PPP3R1: variants seen among roughly 807,000 people sequenced by gnomAD.
PPP3R1 encodes protein phosphatase 3 regulatory subunit B, alpha.
PPP3R1 carries 5 observed loss-of-function variants against 22.6 expected under a neutral mutation model. The observed-to-expected ratio is 0.22, with a 90% confidence interval of 0.12 to 0.46. PPP3R1 has a LOEUF of 0.46. PPP3R1 is among the 20% of genes least tolerant of loss of function. PPP3R1 has a pLI of 0.99. For synonymous variants in PPP3R1, 56 were observed against 65.2 expected, an observed-to-expected ratio of 0.86 and a Z score of 0.68; for missense variants, 61 against 203.2, an observed-to-expected ratio of 0.30 and a Z score of 4.25.
chr2:68,230,056 A>C (rs1669865386), intron 1 of PPP3R1, among the ~76,000 whole-genome samples: 1 of 151,616 alleles, frequency 6.6e-6, no homozygotes, highest in Admixed American at 6.6e-5. Context: ...GTAGCGGCAC[A>C]ATCTTGGCTC....
At chr2:68,202,190 A>G (rs957949505) in intron 2 of PPP3R1, among the ~76,000 whole-genome samples, 2 of 152,192 alleles carry the variant, frequency 1.3e-5, no homozygotes, top group African/African-American at 4.8e-5. Flanking sequence ...GAAAGATTCA[A>G]GAAGTTTTAT....
chr2:68,234,200 G>A (rs967515029), intron 1 of PPP3R1, among the ~76,000 whole-genome samples: 7 of 152,028 alleles, frequency 4.6e-5, no homozygotes, highest in African/African-American at 1.4e-4. Context: ...AAAATTAGTC[G>A]GGCATGGTGG....
At chr2:68,194,824 T>C (rs553925061) in intron 2 of PPP3R1, among the ~76,000 whole-genome samples, 3 of 152,248 alleles carry the variant, frequency 2.0e-5, no homozygotes, top group South Asian at 2.1e-4. Context: ...AATTGTATAG[T>C]AGAAAAAAGC....
intron 2 of PPP3R1, among the ~76,000 whole-genome samples, chr2:68,206,635 G>T (rs1324154071): frequency 6.6e-6 from 1 of 152,148 alleles, no homozygotes; most frequent in African/African-American, 2.4e-5. Context: ...CTTCCAGGAG[G>T]CTTTTCTTAA....
intron 1 of PPP3R1, among the ~76,000 whole-genome samples, chr2:68,244,332 G>C (rs993007658): frequency 6.6e-6 from 1 of 152,064 alleles, no homozygotes; most frequent in African/African-American, 2.4e-5. Flanking sequence ...TTATTACCTT[G>C]TTAACTGCCT....
intron 1 of PPP3R1, among the ~76,000 whole-genome samples, chr2:68,229,973 TACAC>T (rs201152385): frequency 0.013 from 1,867 of 143,232 alleles, 14 homozygotes; most frequent in African/African-American, 0.017. Flanking sequence ...TATACACACA[TACAC>T]ACACACACAC....
chr2:68,211,068 A>G (rs937166687), intron 2 of PPP3R1, among the ~76,000 whole-genome samples: 2 of 152,194 alleles, frequency 1.3e-5, no homozygotes, highest in African/African-American at 4.8e-5. Flanking sequence ...CAAAGTGTGC[A>G]ATAACATTAT....
At chr2:68,248,306 T>C (rs980946127) in intron 1 of PPP3R1, among the ~76,000 whole-genome samples, 1 of 152,232 alleles carries the variant, frequency 6.6e-6, no homozygotes, top group Admixed American at 6.5e-5. Flanking sequence ...TTCCCTGCCA[T>C]GTGCTCTTAC....
intron 2 of PPP3R1, among the ~76,000 whole-genome samples, chr2:68,205,460 T>A (rs1675099361): frequency 1.3e-5 from 2 of 152,020 alleles, no homozygotes; most frequent in Non-Finnish European, 2.9e-5. Context: ...GTCAGGCTGG[T>A]CTCGAACTCA....
At chr2:68,218,135 C>T (rs1368709973) in intron 1 of PPP3R1, among the ~76,000 whole-genome samples, 1 of 152,068 alleles carries the variant, frequency 6.6e-6, no homozygotes, top group Non-Finnish European at 1.5e-5. Context: ...ATTTATCTAA[C>T]CTTGACCCTG....
intron 2 of PPP3R1, among the ~76,000 whole-genome samples, chr2:68,199,383 T>C (rs2103742318): frequency 6.6e-6 from 1 of 152,352 alleles, no homozygotes; most frequent in Non-Finnish European, 1.5e-5. Context: ...ATTTGCTATA[T>C]ATATAAAACC....
chr2:68,252,004 CG>C, intron 1 of PPP3R1, 120 bp downstream of exon 1: 1 of 1,049,936 alleles, frequency 9.5e-7, no homozygotes. Flanking sequence ...CCGCCGGGCC[CG>C]GGTCTCTGGA....
chr2:68,251,277 T>C (rs1670344432), intron 1 of PPP3R1: 1 of 152,176 alleles, frequency 6.6e-6, no homozygotes, highest in Admixed American at 6.5e-5. Flanking sequence ...CAGCGAATTC[T>C]ACCTAGGGAT....
intron 2 of PPP3R1, among the ~76,000 whole-genome samples, chr2:68,195,329 T>C (rs1674746049): frequency 6.6e-6 from 1 of 152,132 alleles, no homozygotes; most frequent in African/African-American, 2.4e-5. Context: ...ATTTAGGCAT[T>C]TGGGGCAAGA....
At chr2:68,208,095 G>C (rs1030856222) in intron 2 of PPP3R1, among the ~76,000 whole-genome samples, 4 of 152,178 alleles carry the variant, frequency 2.6e-5, no homozygotes, top group African/African-American at 9.7e-5. Context: ...GGAGGTTGCA[G>C]TGAGCCGAGA....
At chr2:68,222,058 TG>T (rs1427174290) in intron 1 of PPP3R1, among the ~76,000 whole-genome samples, 2 of 151,832 alleles carry the variant, frequency 1.3e-5, no homozygotes, top group Admixed American at 6.6e-5. Flanking sequence ...ATATCAGAAA[TG>T]GTAAATAAAA....
At chr2:68,213,457 T>C (rs1376759632) in intron 2 of PPP3R1, among the ~76,000 whole-genome samples, 2 of 152,190 alleles carry the variant, frequency 1.3e-5, no homozygotes, top group African/African-American at 2.4e-5. Context: ...CACAGACAAC[T>C]GGACTAAGTT....
intron 2 of PPP3R1, among the ~76,000 whole-genome samples, chr2:68,213,746 G>T (rs1038389860): frequency 1.3e-5 from 2 of 152,084 alleles, no homozygotes; most frequent in African/African-American, 4.8e-5. Flanking sequence ...AGATACACCT[G>T]CATACTACCC....
In PPP3R1 at chr2:68,180,458, C is replaced by T. The variant is rs1674378367; in HGVS notation, c.*505G>A. The T allele has an allele frequency of 6.6e-6, 1 of 152,646 alleles. No individual in the cohort carries two copies. Among genetic ancestry groups the T allele is most frequent in the Non-Finnish European group, 1.5e-5 (1 of 68,038 alleles). The allele number at this position is 152,646 out of a possible 1,614,324, so 9.5% of individuals were successfully genotyped here. A position where few individuals can be genotyped will look rare whatever the true frequency, so the allele number is the denominator to read the frequency against. ...AGGAAAAGGAAAATAGCTGGCCTAA[C>T]ACCCGGCTCAAATTGTACAGTCTTC... On this transcript the variant is annotated 3_prime_UTR_variant, in exon 6 of 6. Coordinates refer to ENST00000234310, the MANE Select transcript of PPP3R1 (RefSeq NM_000945.4).
Sources: allele counts gnomAD v4.1 joint callset (sites outside exome capture counted in the v4.1 genomes callset), GRCh38; gene constraint gnomAD v4.1.1; transcripts MANE v1.5; gene names NCBI Gene and HGNC (gene_info 2026-07-23, HGNC 2026-07-21).